Variants in TFPI observed in about 807,000 individuals in gnomAD.
TFPI encodes the protein anti-convertin.
TFPI carries 15 observed loss-of-function variants against 34.6 expected under a neutral mutation model. The ratio of observed to expected loss-of-function variants is 0.43; its 90% CI spans 0.29 to 0.67. TFPI has a LOEUF of 0.67. Among genes scored for constraint, TFPI ranks in the 30% least tolerant of loss-of-function variants. The pLI, the probability that TFPI is intolerant of heterozygous loss-of-function variation, is 0.15. For synonymous variants in TFPI, 105 were observed against 120.1 expected, an observed-to-expected ratio of 0.87 and a Z score of 0.82; for missense variants, 301 against 364.0, an observed-to-expected ratio of 0.83 and a Z score of 1.41.
At chr2:187,509,542 C>T (rs1047627007) in intron 1 of TFPI, among the ~76,000 whole-genome samples, 1 of 152,114 alleles carries the variant, frequency 6.6e-6, no homozygotes, top group Non-Finnish European at 1.5e-5. Flanking sequence ...TGTATATGTC[C>T]AGGAACTTAT....
In TFPI at chr2:187,490,382, C is replaced by T. The variant is rs534648786; in HGVS notation, c.320-2007G>A. Among the ~76,000 whole-genome samples, 90 of 151,608 alleles carry T rather than the reference C, an allele frequency of 5.9e-4. 1 individual carries two copies. Among genetic ancestry groups the T allele is most frequent in the African/African-American group, 2.1e-3 (88 of 41,466 alleles). ...AATAATTGTATACTCTCACTTCTGC[C>T]AACTTTTTCTTTAAAAATTTTGGAG... On this transcript the variant is annotated intron_variant, in intron 3 of 7. Transcript: ENST00000233156.
chr2:187,506,098 C>T (rs918949363), intron 1 of TFPI, among the ~76,000 whole-genome samples: 4 of 151,916 alleles, frequency 2.6e-5, no homozygotes, highest in Admixed American at 6.6e-5. Context: ...TGGGTGATAA[C>T]AGATTTAATG....
chr2:187,466,119 A>AT lies in TFPI; in HGVS notation c.*816dup, dbSNP rs924896598. On this transcript the variant is annotated 3_prime_UTR_variant, in exon 8 of 8. Coordinates refer to ENST00000233156, the MANE Select transcript of TFPI (RefSeq NM_006287.6). ...TTCAGAAGGTTTAAATATTTTTGTT[A>AT]TTTTTAGTAAGAAAAAATATTGGGA... 1.3e-5 allele frequency: 2 copies of AT among 152,176 alleles called. No homozygotes were observed. The highest frequency in any genetic ancestry group is 2.4e-5 in the African/African-American group (1 of 41,440). 9.4% of individuals were successfully genotyped at this position (152,176 alleles called of 1,614,324 possible). A position where few individuals can be genotyped will look rare whatever the true frequency, so the allele number is the denominator to read the frequency against.
chr2:187,536,648 A>G (rs1205484760), intron 1 of TFPI, among the ~76,000 whole-genome samples: 2 of 152,132 alleles, frequency 1.3e-5, no homozygotes, highest in African/African-American at 4.8e-5. Flanking sequence ...GGCAAAAGCT[A>G]GACACATTCC....
intron 4 of TFPI, 33 bp downstream of exon 4, chr2:187,488,304 A>T (rs368315911): frequency 7.1e-6 from 11 of 1,539,944 alleles, no homozygotes; most frequent in Non-Finnish European, 9.6e-6. Flanking sequence ...CCTTACATAA[A>T]TGCTTCAAAT....
Position 187,554,360 on chromosome 2 carries a change from C to T in TFPI, c.-163G>A, listed in dbSNP as rs969173807. ...GCGATTGAAGAGTAACTGAAAGAAA[C>T]GCAATCTGATCTTACTAGCAGTGAA... On this transcript the variant is annotated 5_prime_UTR_variant, in exon 1 of 8. Coordinates refer to ENST00000233156, the MANE Select transcript of TFPI (RefSeq NM_006287.6). 3.3e-5 allele frequency: 5 copies of T among 152,034 alleles called. No individual in the cohort carries two copies. The highest frequency in any genetic ancestry group is 5.9e-5 in the Non-Finnish European group (4 of 68,018). 9.4% of individuals were successfully genotyped at this position (152,034 alleles called of 1,614,324 possible).
intron 1 of TFPI, among the ~76,000 whole-genome samples, chr2:187,505,050 T>C (rs1686111558): frequency 6.6e-6 from 1 of 151,992 alleles, no homozygotes; most frequent in Non-Finnish European, 1.5e-5. Flanking sequence ...TTCACAAATA[T>C]ATATATATAT....
intron 1 of TFPI, among the ~76,000 whole-genome samples, chr2:187,540,740 A>G (rs1374371673): frequency 6.6e-6 from 1 of 151,824 alleles, no homozygotes; most frequent in Non-Finnish European, 1.5e-5. Context: ...AAAATACGAA[A>G]ACTAGCCTGG....
At chr2:187,523,845 T>C (rs902174818) in intron 1 of TFPI, among the ~76,000 whole-genome samples, 4 of 152,090 alleles carry the variant, frequency 2.6e-5, no homozygotes, top group Non-Finnish European at 5.9e-5. Context: ...TACAGTCAAT[T>C]TTAGAATATT....
chr2:187,504,876 A>G (rs1185244976), intron 1 of TFPI, among the ~76,000 whole-genome samples: 1 of 152,066 alleles, frequency 6.6e-6, no homozygotes, highest in African/African-American at 2.4e-5. Flanking sequence ...GTAGCCATAT[A>G]ATAATTAAGT....
intron 1 of TFPI, among the ~76,000 whole-genome samples, chr2:187,522,499 A>T (rs1446558603): frequency 6.6e-6 from 1 of 151,974 alleles, no homozygotes; most frequent in Non-Finnish European, 1.5e-5. Context: ...CATATTGTTT[A>T]TTGTTAACAA....
At chr2:187,480,082 CTCT>C (rs1273408939) in intron 6 of TFPI, among the ~76,000 whole-genome samples, 5 of 152,050 alleles carry the variant, frequency 3.3e-5, no homozygotes, top group Non-Finnish European at 7.4e-5. Context: ...CACATTCAAA[CTCT>C]TCGAGTTTCC....
intron 6 of TFPI, among the ~76,000 whole-genome samples, chr2:187,480,564 T>C (rs1317447796): frequency 6.6e-6 from 1 of 152,178 alleles, no homozygotes; most frequent in Admixed American, 6.6e-5. Context: ...TGCTATATCA[T>C]TATTTCAATC....
At chr2:187,511,112 A>C (rs1054245301) in intron 1 of TFPI, among the ~76,000 whole-genome samples, 1 of 152,114 alleles carries the variant, frequency 6.6e-6, no homozygotes, top group Non-Finnish European at 1.5e-5. Context: ...GCCCCAGTGG[A>C]ACGCCTCCTC....
chr2:187,539,897 T>A (rs1337582187), intron 1 of TFPI, among the ~76,000 whole-genome samples: 2 of 151,196 alleles, frequency 1.3e-5, no homozygotes, highest in South Asian at 4.2e-4. Flanking sequence ...TTACGTCATC[T>A]TCTTTTTTTT....
At chr2:187,531,546 A>G (rs537688309) in intron 1 of TFPI, among the ~76,000 whole-genome samples, 84 of 152,204 alleles carry the variant, frequency 5.5e-4, no homozygotes, top group Middle Eastern at 6.8e-3. Flanking sequence ...CAATTTTTCT[A>G]TTTAAAAATA....
chr2:187,496,349 A>G (rs1055633310), intron 3 of TFPI, among the ~76,000 whole-genome samples: 1 of 152,134 alleles, frequency 6.6e-6, no homozygotes, highest in Admixed American at 6.6e-5. Flanking sequence ...TAGCGATGAG[A>G]CCATTGTGTT....
At chr2:187,543,023 G>A (rs1025384034) in intron 1 of TFPI, among the ~76,000 whole-genome samples, 1 of 152,096 alleles carries the variant, frequency 6.6e-6, no homozygotes, top group African/African-American at 2.4e-5. Context: ...CAGAGATAAA[G>A]AACAAAAGAA....
chr2:187,518,880 A>G (rs1297360417), intron 1 of TFPI: 1 of 151,642 alleles, frequency 6.6e-6, no homozygotes, highest in Non-Finnish European at 1.5e-5. Flanking sequence ...TTGACACTTC[A>G]TTTCATTAAG....
Sources: gnomAD v4.1 joint callset for allele counts (sites outside exome capture counted in the v4.1 genomes callset) on GRCh38, gnomAD v4.1.1 for gene constraint, MANE v1.5 for transcripts, NCBI Gene and HGNC (gene_info 2026-07-23, HGNC 2026-07-21) for gene names.